CCDC171: variants seen among roughly 807,000 people sequenced by gnomAD.
CCDC171 encodes the protein coiled-coil domain-containing protein 171.
A neutral mutation model predicts 168.2 loss-of-function variants in CCDC171; 177 were observed. That is an observed-to-expected ratio of 1.05 (90% CI 0.93 to 1.19). The LOEUF (loss-of-function observed/expected upper bound fraction) is 1.19. CCDC171 is among the 50% of genes most tolerant of loss of function. The probability of loss-of-function intolerance (pLI) is 0.00; values close to 1 mark genes in which losing one functional copy is unlikely to be tolerated. For synonymous variants in CCDC171, 687 were observed against 540.8 expected, an observed-to-expected ratio of 1.27 and a Z score of -3.75; for missense variants, 1,991 against 1,539.0, an observed-to-expected ratio of 1.29 and a Z score of -4.91.
intron 6 of CCDC171, among the ~76,000 whole-genome samples, chr9:15,620,170 G>A (rs924405079): frequency 6.6e-6 from 1 of 152,160 alleles, no homozygotes; most frequent in Non-Finnish European, 1.5e-5. Context: ...CATCAATGAA[G>A]AATTTTGACT....
chr9:15,912,506 G>T (rs950693377), intron 24 of CCDC171, among the ~76,000 whole-genome samples: 4 of 152,078 alleles, frequency 2.6e-5, no homozygotes, highest in African/African-American at 9.7e-5. Flanking sequence ...AGAGGTAATT[G>T]ACTTCTTCTC....
At chr9:15,704,924 C>G (rs1182477482) in intron 11 of CCDC171, among the ~76,000 whole-genome samples, 1 of 152,116 alleles carries the variant, frequency 6.6e-6, no homozygotes, top group Non-Finnish European at 1.5e-5. Context: ...CCCCCTCAGT[C>G]TGTTTTCTCT....
chr9:15,923,664 G>A (rs534349397), intron 25 of CCDC171, among the ~76,000 whole-genome samples: 4 of 151,354 alleles, frequency 2.6e-5, no homozygotes, highest in Non-Finnish European at 5.9e-5. Context: ...CCATAAAAAC[G>A]ATACCTATGT....
rs555415018 is a variant in CCDC171 at position 15,664,405 on chromosome 9, C to A, written c.916-1758C>A. Among the ~76,000 whole-genome samples, 17 of 152,206 alleles carry A rather than the reference C, an allele frequency of 1.1e-4. 1 individual carries two copies. In the South Asian group the frequency reaches 2.3e-3, roughly 20 times the overall value. Reference sequence around the variant, plus strand: ...CCGGCATTACAAACGCGTGACACCACGCCCAGCTGATTTTTGTTTTTTTTG... The same window carrying A: ...CCGGCATTACAAACGCGTGACACCAAGCCCAGCTGATTTTTGTTTTTTTTG... On this transcript the variant is annotated intron_variant, in intron 8 of 25. Coordinates refer to ENST00000380701, the MANE Select transcript of CCDC171 (RefSeq NM_173550.4).
chr9:15,601,709 C>T (rs1006208332), intron 6 of CCDC171, among the ~76,000 whole-genome samples: 1 of 152,142 alleles, frequency 6.6e-6, no homozygotes, highest in African/African-American at 2.4e-5. Context: ...GATTAGCTGT[C>T]TGGGAGACTA....
In CCDC171 at chr9:15,837,451, T is replaced by G. The variant is rs982086622; in HGVS notation, c.3268-9251T>G. On this transcript the variant is annotated intron_variant, in intron 21 of 25. Transcript: ENST00000380701. The stretch of plus-strand genomic sequence containing the variant: ...CATGTACATATATACACATACACCC[T>G]TATACAGGAAAATTCCATTTGAAGA... Among the ~76,000 whole-genome samples, 5 of 152,346 alleles carry G rather than the reference T, an allele frequency of 3.3e-5. No homozygotes were observed. The East Asian group carries it at 9.6e-4, about 29-fold the overall frequency.
chr9:15,656,393 C>T (rs1440099843), intron 7 of CCDC171, among the ~76,000 whole-genome samples: 2 of 152,000 alleles, frequency 1.3e-5, no homozygotes, highest in Non-Finnish European at 2.9e-5. Context: ...CTATTTACCC[C>T]AGAGAAATGA....
the CCDC171 span, among the ~76,000 whole-genome samples, chr9:16,073,724 C>G: frequency 1.3e-5 from 2 of 152,176 alleles, no homozygotes; most frequent in Non-Finnish European, 2.9e-5. Flanking sequence ...GAGAGAGGCC[C>G]CATGTCAGCA....
chr9:16,025,220 T>C (rs1242045903), intron 6 of CCDC171, among the ~76,000 whole-genome samples: 2 of 152,154 alleles, frequency 1.3e-5, no homozygotes, highest in Non-Finnish European at 2.9e-5. Context: ...GGCAGGTGGA[T>C]CTCCGGAGGT....
intron 24 of CCDC171, among the ~76,000 whole-genome samples, chr9:15,897,996 A>G (rs1053444711): frequency 2.0e-5 from 3 of 152,204 alleles, no homozygotes; most frequent in Non-Finnish European, 4.4e-5. Flanking sequence ...GTCTATAAAG[A>G]TAATATGAGT....
intron 18 of CCDC171, among the ~76,000 whole-genome samples, chr9:15,747,881 A>T (rs1033364918): frequency 1.8e-4 from 28 of 152,200 alleles, no homozygotes; most frequent in Non-Finnish European, 3.7e-4. Flanking sequence ...AGGGAACAAA[A>T]TTAGACTGAG....
intron 6 of CCDC171, among the ~76,000 whole-genome samples, chr9:15,615,856 G>T (rs1279929376): frequency 6.6e-6 from 1 of 151,058 alleles, no homozygotes; most frequent in Non-Finnish European, 1.5e-5. Flanking sequence ...TCAGCTTGCT[G>T]CAGCCTCTGC....
At chr9:15,985,433 C>T (rs1482545210) in intron 3 of CCDC171, among the ~76,000 whole-genome samples, 7 of 152,154 alleles carry the variant, frequency 4.6e-5, no homozygotes, top group African/African-American at 1.7e-4. Flanking sequence ...AGGGACAGTC[C>T]TTCATCTGGG....
At chr9:15,793,551 GTTTTTTTTTTTTTTTT>G (rs3082839) in intron 21 of CCDC171, among the ~76,000 whole-genome samples, 8 of 77,058 alleles carry the variant, frequency 1.0e-4, no homozygotes, top group Non-Finnish European at 1.3e-4. Flanking sequence ...TTATTCCAAG[GTTTTTTTTTTTTTTTT>G]TTTTTTTTTT....
the CCDC171 span, among the ~76,000 whole-genome samples, chr9:16,089,281 A>G: frequency 6.6e-6 from 1 of 151,896 alleles, no homozygotes; most frequent in Non-Finnish European, 1.5e-5. Flanking sequence ...AGGCAATACT[A>G]TTCAGGATAT....
intron 23 of CCDC171, among the ~76,000 whole-genome samples, chr9:15,853,074 A>G (rs887491512): frequency 1.3e-5 from 2 of 151,640 alleles, no homozygotes; most frequent in African/African-American, 4.8e-5. Flanking sequence ...ATAAAATTCC[A>G]TGTGAATTTT....
intron 25 of CCDC171, among the ~76,000 whole-genome samples, chr9:15,954,123 G>C (rs1389757193): frequency 6.9e-6 from 1 of 144,802 alleles, no homozygotes; most frequent in African/African-American, 2.5e-5. Context: ...ACCAACTTTT[G>C]GTTTCATTGA....
At chr9:16,050,411 A>C (rs753346639) in intron 1 of CCDC171, among the ~76,000 whole-genome samples, 1 of 152,058 alleles carries the variant, frequency 6.6e-6, no homozygotes, top group South Asian at 2.1e-4. Flanking sequence ...CCAAATACAA[A>C]TACAATACTC....
intron 20 of CCDC171, among the ~76,000 whole-genome samples, chr9:15,783,650 C>G (rs1226371508): frequency 6.6e-6 from 1 of 152,178 alleles, no homozygotes; most frequent in South Asian, 2.1e-4. Flanking sequence ...ATCTAGATTT[C>G]ATTTGTTTAA....
Sources: gnomAD v4.1 joint callset for allele counts (sites outside exome capture counted in the v4.1 genomes callset) on GRCh38, gnomAD v4.1.1 for gene constraint, MANE v1.5 for transcripts, NCBI Gene and HGNC (gene_info 2026-07-23, HGNC 2026-07-21) for gene names.